Variants in SMPX observed in about 807,000 individuals in gnomAD.
SMPX encodes small muscular protein.
In SMPX, 2 loss-of-function variants were observed where a neutral mutation model predicts 6.3. The observed-to-expected ratio is 0.32, with a 90% CI of 0.13 to 0.99. The LOEUF (loss-of-function observed/expected upper bound fraction) is 0.99. Ranked by LOEUF, SMPX falls within the 50% of genes least tolerant of loss-of-function variation. The pLI, the probability that SMPX is intolerant of heterozygous loss-of-function variation, is 0.49. For synonymous variants in SMPX, 32 were observed against 24.7 expected, an observed-to-expected ratio of 1.30 and a Z score of -0.88; for missense variants, 60 against 66.8, an observed-to-expected ratio of 0.90 and a Z score of 0.36.
intron 3 of SMPX, among the ~76,000 whole-genome samples, chrX:21,743,402 C>G (rs1209232702): frequency 9.7e-6 from 1 of 103,363 alleles, no homozygotes; most frequent in Non-Finnish European, 2.0e-5. Context: ...TTTATCCTCC[C>G]CACCACACAC....
At chrX:21,719,503 G>C (rs188496027) in intron 4 of SMPX, among the ~76,000 whole-genome samples, 14 of 106,110 alleles carry the variant, frequency 1.3e-4, no homozygotes, top group African/African-American at 4.6e-4. Context: ...GGTCAATAGA[G>C]TGAGATTCCA....
intron 3 of SMPX, among the ~76,000 whole-genome samples, chrX:21,738,606 C>T (rs1602107898): frequency 9.0e-6 from 1 of 110,838 alleles, no homozygotes; most frequent in African/African-American, 3.3e-5. Flanking sequence ...GCCTTGAGAA[C>T]GCGCCTCTCG....
At chrX:21,717,617 A>G (rs961222958) in intron 4 of SMPX, among the ~76,000 whole-genome samples, 1 of 112,061 alleles carries the variant, frequency 8.9e-6, no homozygotes, top group African/African-American at 3.2e-5. Context: ...CTGTGGATAC[A>G]CTAGTGGACA....
intron 1 of SMPX, among the ~76,000 whole-genome samples, chrX:21,756,780 G>A (rs984492876): frequency 8.9e-6 from 1 of 112,595 alleles, no homozygotes; most frequent in Non-Finnish European, 1.9e-5. Flanking sequence ...ACTGCTTTTC[G>A]TCCAAAGAGG....
intron 4 of SMPX, among the ~76,000 whole-genome samples, chrX:21,731,425 ATATATGTG>A (rs1243268892): frequency 1.3e-5 from 1 of 74,263 alleles, no homozygotes; most frequent in African/African-American, 5.0e-5. Context: ...ATATACACAC[ATATATGTG>A]TGTATGTGTA....
At chrX:21,720,290 G>C (rs1393186806) in intron 4 of SMPX, among the ~76,000 whole-genome samples, 1 of 112,114 alleles carries the variant, frequency 8.9e-6, no homozygotes, top group Non-Finnish European at 1.9e-5. Context: ...GCAGCCCAAT[G>C]GGTGGGTCCA....
At chrX:21,735,738 T>C (rs532201014) in intron 4 of SMPX, among the ~76,000 whole-genome samples, 10 of 112,429 alleles carry the variant, frequency 8.9e-5, no homozygotes, top group African/African-American at 3.2e-4. Flanking sequence ...TAAAAATTCG[T>C]GTGTCCAACT....
chrX:21,756,783 C>T (rs1392215014), intron 1 of SMPX, among the ~76,000 whole-genome samples: 1 of 112,720 alleles, frequency 8.9e-6, no homozygotes, highest in Non-Finnish European at 1.9e-5. Context: ...GCTTTTCGTC[C>T]AAAGAGGTAC....
chrX:21,735,958 G>T (rs2092810002), intron 4 of SMPX, among the ~76,000 whole-genome samples: 1 of 111,531 alleles, frequency 9.0e-6, no homozygotes, highest in Admixed American at 9.5e-5. Context: ...GTAGCCACAT[G>T]TCAGGTTAGT....
chrX:21,734,285 A>G (rs1398907362), intron 4 of SMPX, among the ~76,000 whole-genome samples: 2 of 111,443 alleles, frequency 1.8e-5, no homozygotes, highest in Non-Finnish European at 3.8e-5. Flanking sequence ...AATGGACACA[A>G]AGTCTGTTTG....
chrX:21,733,791 G>A (rs1418262798), intron 4 of SMPX: 12 of 322,719 alleles, frequency 3.7e-5, no homozygotes, highest in African/African-American at 3.2e-4. Context: ...TAGGCAGGCT[G>A]TGGGGTTTTA....
chrX:21,715,017 TA>T (rs1308264526), intron 4 of SMPX, among the ~76,000 whole-genome samples: 4 of 111,865 alleles, frequency 3.6e-5, no homozygotes, highest in Admixed American at 9.5e-5. Flanking sequence ...GGCTCTTCTT[TA>T]AAAAGCTGCC....
intron 4 of SMPX, among the ~76,000 whole-genome samples, chrX:21,736,912 C>A (rs2092811077): frequency 9.0e-6 from 1 of 110,879 alleles, no homozygotes; most frequent in South Asian, 3.9e-4. Flanking sequence ...TGAACCCTCA[C>A]CAAGGGATCA....
chrX:21,732,999 T>A (rs1431718370), intron 4 of SMPX, among the ~76,000 whole-genome samples: 1 of 111,809 alleles, frequency 8.9e-6, no homozygotes, highest in African/African-American at 3.3e-5. Flanking sequence ...CATCTCTGAC[T>A]TTCAGCTCCA....
intron 4 of SMPX, among the ~76,000 whole-genome samples, chrX:21,714,070 G>A (rs1039482210): frequency 1.8e-5 from 2 of 111,521 alleles, no homozygotes; most frequent in Non-Finnish European, 3.8e-5. Flanking sequence ...AATCCACAGG[G>A]TTTTGTTCAT....
chrX:21,711,462 GCTACC>G (rs2147370808), intron 4 of SMPX, among the ~76,000 whole-genome samples: 1 of 111,829 alleles, frequency 8.9e-6, no homozygotes, highest in South Asian at 3.8e-4. Context: ...TCATTCTCTA[GCTACC>G]CCACGTAACT....
chrX:21,707,357 C>T (rs1390046632), intron 4 of SMPX, among the ~76,000 whole-genome samples: 1 of 111,987 alleles, frequency 8.9e-6, no homozygotes, highest in Non-Finnish European at 1.9e-5. Context: ...CTCTCAATTC[C>T]ATGAATGTAA....
intron 2 of SMPX, among the ~76,000 whole-genome samples, chrX:21,744,922 T>G (rs375248960): frequency 1.4e-4 from 16 of 112,078 alleles, no homozygotes; most frequent in African/African-American, 4.9e-4. Flanking sequence ...CATTTGGAAC[T>G]GCCTTGTACA....
chrX:21,735,629 C>A (rs986692620), intron 4 of SMPX, among the ~76,000 whole-genome samples: 3 of 112,077 alleles, frequency 2.7e-5, no homozygotes, highest in African/African-American at 6.5e-5. Context: ...AAACCGCATT[C>A]CTCTGAATCT....
Sources: allele counts gnomAD v4.1 joint callset (sites outside exome capture counted in the v4.1 genomes callset), GRCh38; gene constraint gnomAD v4.1.1; transcripts MANE v1.5; gene names NCBI Gene and HGNC (gene_info 2026-07-23, HGNC 2026-07-21).